ASTN2: variants seen among roughly 807,000 people sequenced by gnomAD.
The protein encoded by ASTN2 is astrotactin 2.
Under a neutral mutation model 139.8 loss-of-function variants are expected in ASTN2, and 54 were observed. That is an observed-to-expected ratio of 0.39 (90% CI 0.31 to 0.48). The LOEUF is 0.48. Ranked by LOEUF, ASTN2 falls within the 20% of genes least tolerant of loss-of-function variation. The pLI is 0.95. For synonymous variants in ASTN2, 756 were observed against 719.5 expected, an observed-to-expected ratio of 1.05 and a Z score of -0.81; for missense variants, 1,565 against 1,725.1, an observed-to-expected ratio of 0.91 and a Z score of 1.64.
intron 11 of ASTN2, among the ~76,000 whole-genome samples, chr9:116,826,768 C>T (rs531839496): frequency 3.8e-4 from 58 of 152,200 alleles, no homozygotes; most frequent in Admixed American, 4.6e-4. Flanking sequence ...TAAGCTACTT[C>T]GGGGCCTAAA....
At chr9:116,830,361 G>C (rs1327570323) in intron 11 of ASTN2, among the ~76,000 whole-genome samples, 1 of 151,988 alleles carries the variant, frequency 6.6e-6, no homozygotes, top group African/African-American at 2.4e-5. Context: ...TGGAGAAAAA[G>C]GAACACTTAT....
chr9:116,819,349 C>T (rs1039944211), intron 12 of ASTN2, among the ~76,000 whole-genome samples: 2 of 152,102 alleles, frequency 1.3e-5, no homozygotes, highest in Admixed American at 1.3e-4. Context: ...GAGGAGAGAT[C>T]GCTATAAATT....
At chr9:116,696,969 C>T (rs1202614612) in intron 16 of ASTN2, among the ~76,000 whole-genome samples, 1 of 146,986 alleles carries the variant, frequency 6.8e-6, no homozygotes. Flanking sequence ...AAAAAAAAGC[C>T]TCCACACTTT....
intron 19 of ASTN2, among the ~76,000 whole-genome samples, chr9:116,617,980 A>G (rs933171649): frequency 1.3e-5 from 2 of 152,178 alleles, no homozygotes; most frequent in Non-Finnish European, 2.9e-5. Flanking sequence ...CCTCAGTTCC[A>G]GAGATAATAT....
At chr9:117,040,322 G>C (rs1442164630) in intron 5 of ASTN2, among the ~76,000 whole-genome samples, 2 of 152,190 alleles carry the variant, frequency 1.3e-5, no homozygotes, top group Non-Finnish European at 2.9e-5. Context: ...CAAGTGAGAA[G>C]ATACCATGCT....
At chr9:116,863,847 CAA>C in intron 10 of ASTN2, 114 bp from the exon 11 acceptor site, 1 of 1,092,086 alleles carries the variant, frequency 9.2e-7, no homozygotes, top group Non-Finnish European at 1.3e-6. Flanking sequence ...ATCAGGAAAA[CAA>C]TAATAATCAA....
At chr9:116,524,510 T>C (rs1371127345) in intron 19 of ASTN2, among the ~76,000 whole-genome samples, 3 of 152,162 alleles carry the variant, frequency 2.0e-5, no homozygotes, top group Non-Finnish European at 4.4e-5. Context: ...GCTCTATATT[T>C]GGAGCAAGAT....
chr9:117,083,590 G>A (rs546028006), intron 5 of ASTN2, among the ~76,000 whole-genome samples: 71 of 152,258 alleles, frequency 4.7e-4, no homozygotes, highest in Middle Eastern at 3.4e-3. Context: ...GTCTCACAGC[G>A]TTGGGAAGAA....
intron 4 of ASTN2, among the ~76,000 whole-genome samples, chr9:117,138,340 T>A (rs191143160): frequency 1.3e-5 from 2 of 152,096 alleles, no homozygotes; most frequent in Non-Finnish European, 2.9e-5. Flanking sequence ...GGAGAGCAGC[T>A]GGGGGAAAGA....
chr9:116,462,938 T>C (rs1203918222), intron 20 of ASTN2, among the ~76,000 whole-genome samples: 1 of 152,090 alleles, frequency 6.6e-6, no homozygotes, highest in Non-Finnish European at 1.5e-5. Context: ...CATCTTAATC[T>C]CCTGCCTTCA....
intron 1 of ASTN2, among the ~76,000 whole-genome samples, chr9:117,408,135 T>C (rs190914384): frequency 3.5e-5 from 5 of 144,144 alleles, no homozygotes; most frequent in Admixed American, 2.9e-4. Flanking sequence ...CTAAGGAGAT[T>C]TTTCCTTGTA....
chr9:117,214,792 G>T, intron 2 of ASTN2, 50 bp from the exon 3 acceptor site: 1 of 1,424,942 alleles, frequency 7.0e-7, no homozygotes. Context: ...CTTTGGAATC[G>T]AGGGCTGCAG....
intron 22 of ASTN2, among the ~76,000 whole-genome samples, chr9:116,437,872 T>C (rs569829451): frequency 2.6e-4 from 40 of 152,118 alleles, no homozygotes; most frequent in Non-Finnish European, 5.0e-4. Context: ...TGGACAGAGA[T>C]CCGTTTTATC....
chr9:116,733,131 C>T (rs1350730071), intron 14 of ASTN2, among the ~76,000 whole-genome samples: 2 of 152,334 alleles, frequency 1.3e-5, no homozygotes, highest in East Asian at 3.9e-4. Context: ...GCAAAACTCT[C>T]ACTGAGAAAA....
At chr9:116,676,041 C>A (rs1859479604) in intron 16 of ASTN2, among the ~76,000 whole-genome samples, 1 of 152,116 alleles carries the variant, frequency 6.6e-6, no homozygotes. Context: ...AATTAAGAAT[C>A]TTGTCTATGG....
intron 13 of ASTN2, among the ~76,000 whole-genome samples, chr9:116,802,861 C>T (rs1329331882): frequency 6.6e-6 from 1 of 152,208 alleles, no homozygotes; most frequent in Non-Finnish European, 1.5e-5. Flanking sequence ...CCTTTGCAGG[C>T]TCCTTCCTGG....
chr9:116,694,036 A>G (rs1173480726), intron 16 of ASTN2, among the ~76,000 whole-genome samples: 2 of 152,172 alleles, frequency 1.3e-5, no homozygotes. Context: ...AGTGAGGGGA[A>G]CACAGGTTTT....
At chr9:116,923,428 T>G (rs901083713) in intron 10 of ASTN2, among the ~76,000 whole-genome samples, 10 of 152,316 alleles carry the variant, frequency 6.6e-5, no homozygotes, top group African/African-American at 2.4e-4. Flanking sequence ...TTAGACGGCT[T>G]CTCTTGATGC....
intron 11 of ASTN2, among the ~76,000 whole-genome samples, chr9:116,825,293 G>T (rs934053074): frequency 2.2e-4 from 33 of 152,170 alleles, no homozygotes; most frequent in African/African-American, 7.2e-4. Flanking sequence ...TGTCTCTCTT[G>T]GAGGCACTTC....
Sources: gnomAD v4.1 joint callset for allele counts (sites outside exome capture counted in the v4.1 genomes callset) on GRCh38, gnomAD v4.1.1 for gene constraint, MANE v1.5 for transcripts, NCBI Gene and HGNC (gene_info 2026-07-23, HGNC 2026-07-21) for gene names.